LEKR1: variants seen among roughly 807,000 people sequenced by gnomAD.
LEKR1 encodes protein LEKR1.
LEKR1 carries 59 observed loss-of-function variants against 72.4 expected under a neutral mutation model. The ratio of observed to expected loss-of-function variants is 0.82; its 90% CI spans 0.66 to 1.01. The LOEUF (loss-of-function observed/expected upper bound fraction) is 1.01. Among genes scored for constraint, LEKR1 ranks in the 50% least tolerant of loss-of-function variants. LEKR1 has a pLI of 0.00. For missense variants in LEKR1, 728 were observed against 759.2 expected, an observed-to-expected ratio of 0.96 and a Z score of 0.48; for synonymous variants, 257 against 263.2, an observed-to-expected ratio of 0.98 and a Z score of 0.23.
chr3:156,956,153 G>C (rs1432237543), intron 6 of LEKR1, among the ~76,000 whole-genome samples: 1 of 151,826 alleles, frequency 6.6e-6, no homozygotes, highest in African/African-American at 2.4e-5. Context: ...CCAGTAAAGG[G>C]AGGCTGCTAG....
intron 6 of LEKR1, among the ~76,000 whole-genome samples, chr3:156,945,378 G>A (rs1726586714): frequency 6.6e-6 from 1 of 151,598 alleles, no homozygotes; most frequent in Non-Finnish European, 1.5e-5. Flanking sequence ...GTTGTCTCTT[G>A]ACTTTGTTGA....
In LEKR1 at chr3:157,045,919, C is replaced by T. The variant is rs955207978; in HGVS notation, c.*169C>T. On this transcript the variant is annotated 3_prime_UTR_variant, in exon 13 of 13. Coordinates refer to ENST00000356539, the MANE Select transcript of LEKR1 (RefSeq NM_001004316.3). ...TGTAAAAAGCTGGAAAATTGTGAAGCCTTATTTTTCAAGAGGGTTTTGATA... is the reference window on the plus strand; with the variant it reads ...TGTAAAAAGCTGGAAAATTGTGAAGTCTTATTTTTCAAGAGGGTTTTGATA... 21 of 625,602 alleles carry T rather than the reference C, an allele frequency of 3.4e-5. No individual in the cohort carries two copies. The highest frequency in any genetic ancestry group is 8.5e-4 in the Middle Eastern group (2 of 2,346). The allele number at this position is 625,602 out of a possible 1,614,324, so 38.8% of individuals were successfully genotyped here.
intron 2 of LEKR1, among the ~76,000 whole-genome samples, chr3:156,848,134 T>G (rs1279685588): frequency 6.6e-6 from 1 of 152,162 alleles, no homozygotes; most frequent in African/African-American, 2.4e-5. Context: ...AAGAAGAAAC[T>G]AAAATGCAAG....
chr3:156,835,221 A>AAATAT (rs1284571526), intron 2 of LEKR1, among the ~76,000 whole-genome samples: 1 of 152,246 alleles, frequency 6.6e-6, no homozygotes, highest in Non-Finnish European at 1.5e-5. Context: ...TTATATTTTA[A>AAATAT]AAGCACAGAG....
At position 156,920,588 on chromosome 3, in the gene LEKR1, G is replaced by C; in HGVS notation, c.277G>C (p.Gly93Arg). The C allele has an allele frequency of 6.8e-7, 1 of 1,462,948 alleles. No individual in the cohort carries two copies. The highest frequency in any genetic ancestry group is 2.1e-5 in the Admixed American group (1 of 46,964). The allele number at this position is 1,462,948 out of a possible 1,614,324, so 90.6% of individuals were successfully genotyped here. ...TTATATTTTTAGAATTTACGATGTA[G>C]GCATGCAGTTAAAAAGTCAACAAAA... Reference protein sequence around the residue: ...KSKTERIYDVGMQLKSQQNEF... With the variant: ...KSKTERIYDVRMQLKSQQNEF... The change falls in exon 4 of 13, where the codon GGC (glycine) becomes CGC (arginine). Residue 93 changes from glycine to arginine, a missense_variant. Coordinates refer to ENST00000356539, the MANE Select transcript of LEKR1 (RefSeq NM_001004316.3).
chr3:156,913,008 A>G (rs1723265362), intron 3 of LEKR1, among the ~76,000 whole-genome samples: 1 of 151,720 alleles, frequency 6.6e-6, no homozygotes, highest in Non-Finnish European at 1.5e-5. Context: ...ATTTCCTTCC[A>G]TTTTCCTATT....
chr3:156,950,372 A>T (rs1020055431), intron 6 of LEKR1, among the ~76,000 whole-genome samples: 2 of 151,612 alleles, frequency 1.3e-5, no homozygotes, highest in Non-Finnish European at 3.0e-5. Flanking sequence ...AGTTTTATGA[A>T]AAATGTCATT....
intron 3 of LEKR1, among the ~76,000 whole-genome samples, chr3:156,856,185 A>G (rs1198201474): frequency 6.6e-6 from 1 of 152,188 alleles, no homozygotes; most frequent in Non-Finnish European, 1.5e-5. Flanking sequence ...GTTGTTTCTC[A>G]GATGTCTGGC....
At chr3:156,852,253 T>C (rs542471988) in intron 2 of LEKR1, 86 of 152,378 alleles carry the variant, frequency 5.6e-4, no homozygotes, top group African/African-American at 2.0e-3. Context: ...TTTTCCTATT[T>C]GTAGATTTAT....
intron 2 of LEKR1, among the ~76,000 whole-genome samples, chr3:156,836,508 C>T (rs1011776707): frequency 6.6e-6 from 1 of 152,076 alleles, no homozygotes; most frequent in Non-Finnish European, 1.5e-5. Context: ...TTAGTTAAGC[C>T]AACTTTTAAC....
chr3:157,041,585 A>T (rs889174057), intron 12 of LEKR1, among the ~76,000 whole-genome samples: 1 of 152,170 alleles, frequency 6.6e-6, no homozygotes. Context: ...TTTCATCCCA[A>T]GGTGTGCCTC....
At chr3:156,997,017 A>C (rs1731634836) in intron 9 of LEKR1, among the ~76,000 whole-genome samples, 1 of 151,802 alleles carries the variant, frequency 6.6e-6, no homozygotes, top group Non-Finnish European at 1.5e-5. Flanking sequence ...GTGAGCCGAG[A>C]CTGCACCATT....
chr3:156,867,612 C>T (rs1292499085), intron 3 of LEKR1, among the ~76,000 whole-genome samples: 1 of 151,982 alleles, frequency 6.6e-6, no homozygotes, highest in Non-Finnish European at 1.5e-5. Context: ...TCCGGTTACT[C>T]CAGTCCACAA....
intron 6 of LEKR1, among the ~76,000 whole-genome samples, chr3:156,946,905 C>T (rs1308830679): frequency 1.3e-5 from 2 of 151,146 alleles, no homozygotes; most frequent in Non-Finnish European, 3.0e-5. Context: ...ATAGTAGCCT[C>T]TAATGATAAA....
At chr3:156,973,610 A>G (rs1393966393) in intron 6 of LEKR1, among the ~76,000 whole-genome samples, 1 of 152,154 alleles carries the variant, frequency 6.6e-6, no homozygotes, top group Non-Finnish European at 1.5e-5. Context: ...CAGAGAATTA[A>G]ATTTTGAAAT....
chr3:156,876,618 A>T (rs1466472181), intron 3 of LEKR1, among the ~76,000 whole-genome samples: 1 of 152,084 alleles, frequency 6.6e-6, no homozygotes, highest in Non-Finnish European at 1.5e-5. Flanking sequence ...TTTGATTCTC[A>T]GCTTAGTCAT....
chr3:156,997,897 C>T (rs1288385010), intron 9 of LEKR1, among the ~76,000 whole-genome samples: 1 of 152,184 alleles, frequency 6.6e-6, no homozygotes, highest in Non-Finnish European at 1.5e-5. Context: ...CCACACTCAG[C>T]TGAGGAAGTG....
At chr3:156,905,687 A>G (rs1216288340) in intron 3 of LEKR1, among the ~76,000 whole-genome samples, 4 of 152,194 alleles carry the variant, frequency 2.6e-5, no homozygotes, top group Admixed American at 2.0e-4. Flanking sequence ...TAAATGATTT[A>G]TCTATCAATA....
intron 5 of LEKR1, among the ~76,000 whole-genome samples, chr3:156,941,587 A>C (rs1726213941): frequency 6.6e-6 from 1 of 152,112 alleles, no homozygotes; most frequent in Non-Finnish European, 1.5e-5. Flanking sequence ...ATCTCGTCAC[A>C]TGTTGAACCT....
Sources: gnomAD v4.1 joint callset for allele counts (sites outside exome capture counted in the v4.1 genomes callset) on GRCh38, gnomAD v4.1.1 for gene constraint, MANE v1.5 for transcripts, NCBI Gene and HGNC (gene_info 2026-07-23, HGNC 2026-07-21) for gene names.